Variants in PPP1R3F observed in about 807,000 individuals in gnomAD.
The protein encoded by PPP1R3F is protein phosphatase 1, regulatory (inhibitor) subunit 3F.
A neutral mutation model predicts 24.2 loss-of-function variants in PPP1R3F; 29 were observed. The observed-to-expected ratio is 1.20, with a 90% CI of 0.89 to 1.63. The LOEUF (loss-of-function observed/expected upper bound fraction) is 1.63. Ranked by LOEUF, PPP1R3F falls within the 40% of genes most tolerant of loss-of-function variation. PPP1R3F has a pLI of 0.00. For synonymous variants in PPP1R3F, 363 were observed against 340.1 expected (o/e 1.07, Z -0.74); for missense variants, 823 against 729.3 (o/e 1.13, Z -1.48).
chrX:49,285,769 C>A, intron 3 of PPP1R3F, 65 bp from the exon 4 acceptor site: 1 of 1,043,454 alleles, frequency 9.6e-7, no homozygotes, highest in Non-Finnish European at 1.3e-6. Flanking sequence ...TCTGCTTGTT[C>A]CATCCCCTCC....
chrX:49,271,567 G>C (rs1466388658), intron 1 of PPP1R3F, among the ~76,000 whole-genome samples: 3 of 112,489 alleles, frequency 2.7e-5, no homozygotes, highest in East Asian at 2.8e-4. Context: ...TTGCCAGTGG[G>C]GGGTAGAGCA....
chrX:49,273,976 C>CA (rs1167684802), intron 1 of PPP1R3F: 3 of 112,633 alleles, frequency 2.7e-5, no homozygotes, highest in African/African-American at 9.7e-5. Flanking sequence ...TGCTAGGTTC[C>CA]AGCAGGGAAA....
At chrX:49,272,891 A>G (rs782533653) in intron 1 of PPP1R3F, among the ~76,000 whole-genome samples, 153 of 109,554 alleles carry the variant, frequency 1.4e-3, no homozygotes, top group Non-Finnish European at 2.7e-3. Flanking sequence ...AGTGAGTGAC[A>G]GGGCCAGGGA....
rs371832701 is a variant in PPP1R3F, at chrX:49,281,956, A to G, written c.1061-25A>G. 1.2e-4 allele frequency: 141 copies of G among 1,131,848 alleles called. No homozygotes were observed. The East Asian group carries it at 2.4e-3, about 19-fold the overall frequency. 93.3% of individuals were successfully genotyped at this position (1,131,848 alleles called of 1,213,427 possible). Reference sequence around the variant, plus strand: ...ACCTACTTGTATGCCTGTCTTGCCCAATGCTGCCTTTCTCTTCCCTCTAGC... The same window carrying G: ...ACCTACTTGTATGCCTGTCTTGCCCGATGCTGCCTTTCTCTTCCCTCTAGC... On this transcript the variant is annotated intron_variant, in intron 2 of 3. Transcript: ENST00000055335.
chrX:49,278,236 C>T (rs2066226445), intron 1 of PPP1R3F, among the ~76,000 whole-genome samples: 2 of 111,952 alleles, frequency 1.8e-5, no homozygotes, highest in African/African-American at 3.2e-5. Context: ...AATATATGTC[C>T]GGACTAGGCC....
At position 49,301,224 on chromosome X, in the gene PPP1R3F, A is replaced by G. The variant is rs781821164; in HGVS notation, c.393-127A>G. On this transcript the variant is annotated intron_variant, in intron 3 of 3. Coordinates refer to the PPP1R3F transcript ENST00000471261. ...TTAATTGGATGTAAGACACAGGATC[A>G]CCTTTAGGGTTCTGTTTTTTTGTCT... 7.8e-4 allele frequency: 255 copies of G among 326,465 alleles called. 3 individuals carry two copies. The highest frequency in any genetic ancestry group is 7.1e-3 in the Middle Eastern group (14 of 1,979). 26.9% of individuals were successfully genotyped at this position (326,465 alleles called of 1,213,427 possible). A position where few individuals can be genotyped will look rare whatever the true frequency, so the allele number is the denominator to read the frequency against.
At chrX:49,273,737 A>G (rs145642701) in intron 1 of PPP1R3F, 5 of 112,473 alleles carry the variant, frequency 4.4e-5, no homozygotes, top group African/African-American at 1.6e-4. Context: ...TGGGAGCCCT[A>G]TCAGAGGGCT....
chrX:49,275,051 T>A (rs2050972031), intron 1 of PPP1R3F: 1 of 109,926 alleles, frequency 9.1e-6, no homozygotes, highest in Non-Finnish European at 1.9e-5. Flanking sequence ...TGTGCCAGCA[T>A]CCCTTCTGTC....
intron 1 of PPP1R3F, among the ~76,000 whole-genome samples, chrX:49,279,817 T>G (rs2068951679): frequency 8.9e-6 from 1 of 112,081 alleles, no homozygotes; most frequent in Non-Finnish European, 1.9e-5. Flanking sequence ...CCTTAATCTG[T>G]AGACACTTGA....
intron 3 of PPP1R3F, 39 bp downstream of exon 3, chrX:49,282,102 T>C (rs1249942589): frequency 1.8e-5 from 19 of 1,038,340 alleles, no homozygotes; most frequent in Non-Finnish European, 2.4e-5. Context: ...GACAGCCCAA[T>C]AGGAGGCTCA....
At chrX:49,274,751 C>G (rs782284745) in intron 1 of PPP1R3F, 1 of 112,078 alleles carries the variant, frequency 8.9e-6, no homozygotes, top group African/African-American at 3.2e-5. Context: ...TCTGAAGTGA[C>G]TCTTTCAAAT....
In PPP1R3F at chrX:49,269,851, TGCCGCCGCC is replaced by T. The variant is rs1212168690; in HGVS notation, c.-11_-3del. 45 of 880,024 alleles carry T rather than the reference TGCCGCCGCC, an allele frequency of 5.1e-5. 1 individual carries two copies. In the South Asian group the frequency reaches 2.3e-3, roughly 45 times the overall value. 72.5% of individuals were successfully genotyped at this position (880,024 alleles called of 1,213,427 possible). A position where few individuals can be genotyped will look rare whatever the true frequency, so the allele number is the denominator to read the frequency against. On this transcript the variant is annotated 5_prime_UTR_variant, in exon 1 of 4. Coordinates refer to ENST00000055335, the MANE Select transcript of PPP1R3F (RefSeq NM_033215.5). ...CCGGTCCCGCCGCCGGTGCCGTCGGTGCCGCCGCCGCCGCCGATATGGCGCGTACGGCCC... is the reference window on the plus strand; with the variant it reads ...CCGGTCCCGCCGCCGGTGCCGTCGGTGCCGCCGATATGGCGCGTACGGCCC...
intron 3 of PPP1R3F, among the ~76,000 whole-genome samples, chrX:49,299,883 G>A (rs782229773): frequency 8.9e-6 from 1 of 112,043 alleles, no homozygotes. Context: ...AGCATCCCAG[G>A]TCAACTTCAG....
At chrX:49,284,004 T>A (rs2066264944) in intron 3 of PPP1R3F, among the ~76,000 whole-genome samples, 1 of 111,972 alleles carries the variant, frequency 8.9e-6, no homozygotes, top group Non-Finnish European at 1.9e-5. Context: ...AAATATTTAA[T>A]TTTTTCCATT....
chrX:49,300,485 T>TTG (rs1295651314), intron 3 of PPP1R3F, among the ~76,000 whole-genome samples: 11 of 30,417 alleles, frequency 3.6e-4, no homozygotes, highest in East Asian at 3.5e-3. Context: ...CTGTTTTTTT[T>TTG]TTTTTTTTTT....
intron 1 of PPP1R3F, among the ~76,000 whole-genome samples, chrX:49,280,587 C>T (rs1557120569): frequency 1.0e-5 from 1 of 97,833 alleles, no homozygotes; most frequent in Non-Finnish European, 2.1e-5. Flanking sequence ...CTCTTGTCCC[C>T]TAGGCTGGAG....
At chrX:49,280,911 C>T (rs1352676534) in intron 1 of PPP1R3F, 1 of 112,642 alleles carries the variant, frequency 8.9e-6, no homozygotes, top group African/African-American at 3.2e-5. Flanking sequence ...AGAAATGATA[C>T]AAGTGTCGAT....
At chrX:49,280,100 G>C (rs782652204) in intron 1 of PPP1R3F, among the ~76,000 whole-genome samples, 1 of 111,625 alleles carries the variant, frequency 9.0e-6, no homozygotes, top group East Asian at 2.8e-4. Context: ...GAGGTGAAGC[G>C]ACCTGCCAGG....
chrX:49,284,482 CTCTT>C (rs1290935528), intron 3 of PPP1R3F, among the ~76,000 whole-genome samples: 36 of 87,205 alleles, frequency 4.1e-4, no homozygotes, highest in South Asian at 3.9e-3. Flanking sequence ...CTCTCTCTCT[CTCTT>C]TCTTTCTTTT....
Sources: gnomAD v4.1 joint callset for allele counts (sites outside exome capture counted in the v4.1 genomes callset) on GRCh38, gnomAD v4.1.1 for gene constraint, MANE v1.5 for transcripts, NCBI Gene and HGNC (gene_info 2026-07-23, HGNC 2026-07-21) for gene names.